Variants in CEACAM21 observed in about 807,000 individuals in gnomAD.
CEACAM21 encodes the protein cell adhesion molecule CEACAM21.
In CEACAM21, 38 loss-of-function variants were observed where a neutral mutation model predicts 33.2. The ratio of observed to expected loss-of-function variants is 1.14; its 90% CI spans 0.88 to 1.50. CEACAM21 has a LOEUF of 1.50. Among genes scored for constraint, CEACAM21 ranks in the 40% most tolerant of loss-of-function variants. CEACAM21 has a pLI of 0.00. For synonymous variants in CEACAM21, 156 were observed against 143.0 expected (o/e 1.09, Z -0.65); for missense variants, 385 against 364.6 (o/e 1.06, Z -0.46).
rs374318418 is a variant in CEACAM21, at chr19:41,576,706, A to T, written c.64+368A>T. On this transcript the variant is annotated intron_variant, in intron 1 of 6. Coordinates refer to ENST00000401445, the MANE Select transcript of CEACAM21 (RefSeq NM_001098506.4). ...ATGGAAGGCCCTGGGAACGCTCATG[A>T]ACTCATCCACAGGAGTCTGCAGCCT... Among the ~76,000 whole-genome samples the T allele has an allele frequency of 1.1e-3, 164 of 152,282 alleles. 4 individuals are homozygous for T. The South Asian group carries it at 0.033, about 30-fold the overall frequency.
intron 3 of CEACAM21, among the ~76,000 whole-genome samples, chr19:41,580,316 G>GGC (rs1346316459): frequency 1.3e-5 from 2 of 151,994 alleles, no homozygotes; most frequent in Non-Finnish European, 2.9e-5. Flanking sequence ...GTGATGGGGG[G>GGC]GGGTTTCTCC....
intron 1 of CEACAM21, among the ~76,000 whole-genome samples, chr19:41,562,980 C>T (rs1317445153): frequency 1.3e-5 from 2 of 152,136 alleles, no homozygotes; most frequent in Non-Finnish European, 2.9e-5. Flanking sequence ...CGCCTGCCTC[C>T]GCCTCCCGAA....
At chr19:41,583,309 C>T (rs1431945397) in intron 3 of CEACAM21, among the ~76,000 whole-genome samples, 2 of 152,138 alleles carry the variant, frequency 1.3e-5, no homozygotes, top group Non-Finnish European at 2.9e-5. Flanking sequence ...TCACTATCAG[C>T]GTTTTAATCA....
chr19:41,564,679 C>A (rs2042141492), intron 1 of CEACAM21: 1 of 152,300 alleles, frequency 6.6e-6, no homozygotes, highest in African/African-American at 2.4e-5. Flanking sequence ...TTCTTTCCTG[C>A]AGGTTCCGCC....
At chr19:41,558,885 T>C (rs1021177336) in intron 1 of CEACAM21, among the ~76,000 whole-genome samples, 2 of 152,192 alleles carry the variant, frequency 1.3e-5, no homozygotes, top group Non-Finnish European at 2.9e-5. Flanking sequence ...TTAGTAAGCC[T>C]TAATTAAACA....
At chr19:41,561,944 T>C (rs1328541321) in intron 1 of CEACAM21, among the ~76,000 whole-genome samples, 1 of 152,152 alleles carries the variant, frequency 6.6e-6, no homozygotes, top group Non-Finnish European at 1.5e-5. Flanking sequence ...AAAAGTAACA[T>C]CTACTTAAGA....
At chr19:41,563,450 T>C (rs2042031850) in intron 1 of CEACAM21, among the ~76,000 whole-genome samples, 1 of 152,168 alleles carries the variant, frequency 6.6e-6, no homozygotes, top group Non-Finnish European at 1.5e-5. Flanking sequence ...CGAGGCACTC[T>C]GTAACCCCAT....
intron 3 of CEACAM21, among the ~76,000 whole-genome samples, chr19:41,582,143 C>T (rs2043443413): frequency 6.6e-6 from 1 of 152,264 alleles, no homozygotes; most frequent in African/African-American, 2.4e-5. Flanking sequence ...CTACAGGCCC[C>T]ATGCAAGCCC....
upstream of CEACAM21, among the ~76,000 whole-genome samples, chr19:41,571,818 A>G (rs1276748409): frequency 1.3e-5 from 2 of 152,156 alleles, no homozygotes; most frequent in Admixed American, 1.3e-4. Flanking sequence ...GATGGCCCCC[A>G]TTTAGGGAGT....
intron 1 of CEACAM21, chr19:41,549,601 G>A (rs1328247960): frequency 2.0e-5 from 3 of 152,090 alleles, no homozygotes; most frequent in Non-Finnish European, 4.4e-5. Context: ...TACTTCTTTG[G>A]ATCGAATAGC....
At chr19:41,562,377 C>G (rs1418831485) in intron 1 of CEACAM21, among the ~76,000 whole-genome samples, 1 of 151,538 alleles carries the variant, frequency 6.6e-6, no homozygotes, top group African/African-American at 2.4e-5. Flanking sequence ...GACAAAGAAT[C>G]TGTGTCCAGA....
chr19:41,550,710 A>C (rs552106358), intron 1 of CEACAM21: 120 of 152,246 alleles, frequency 7.9e-4, no homozygotes, highest in African/African-American at 2.9e-3. Flanking sequence ...GGTGGAGGTT[A>C]ATAGTGTGCC....
intron 3 of CEACAM21, among the ~76,000 whole-genome samples, chr19:41,580,093 T>C (rs1206274422): frequency 2.0e-5 from 3 of 152,068 alleles, no homozygotes; most frequent in African/African-American, 7.2e-5. Context: ...GTAATCTTAA[T>C]TGAAGTACTG....
At chr19:41,564,366 A>G (rs1264309955) in intron 1 of CEACAM21, among the ~76,000 whole-genome samples, 1 of 144,226 alleles carries the variant, frequency 6.9e-6, no homozygotes, top group Non-Finnish European at 1.5e-5. Context: ...TTATTTATTT[A>G]TTATTTTGCC....
Position 41,562,187 on chromosome 19 carries a change from A to G in CEACAM21, c.-778-2495A>G, listed in dbSNP as rs1474841126. Among the ~76,000 whole-genome samples, 14 of 152,302 alleles carry G rather than the reference A, an allele frequency of 9.2e-5. No homozygotes were observed. The East Asian group carries it at 2.7e-3, about 29-fold the overall frequency. ...CTTGAACCCAGGAGACGGAGGTTGC[A>G]GTGAGCCGAGATCGGCCAGTGCACT... is the stretch of plus-strand genomic sequence containing the variant. On this transcript the variant is annotated intron_variant, in intron 1 of 7. Coordinates refer to the CEACAM21 transcript ENST00000407170.
At chr19:41,586,292 G>T in intron 6 of CEACAM21, 172 bp from the exon 7 acceptor site, 1 of 534,106 alleles carries the variant, frequency 1.9e-6, no homozygotes. Context: ...TCAGGAAACT[G>T]CAGTGAAAAT....
intron 1 of CEACAM21, 33 bp from the exon 2 acceptor site, chr19:41,577,167 C>A: frequency 1.2e-6 from 2 of 1,612,772 alleles, no homozygotes; most frequent in South Asian, 2.2e-5. Context: ...ATGCATAGGT[C>A]AAATATTGAC....
chr19:41,586,422 G>T, intron 6 of CEACAM21, 42 bp from the exon 7 acceptor site: 1 of 625,738 alleles, frequency 1.6e-6, no homozygotes, highest in Non-Finnish European at 3.1e-6. Flanking sequence ...ACCCTGTTCT[G>T]AGAAGGCCTC....
chr19:41,581,235 A>T (rs1206574232), intron 3 of CEACAM21, among the ~76,000 whole-genome samples: 1 of 152,268 alleles, frequency 6.6e-6, no homozygotes, highest in Non-Finnish European at 1.5e-5. Context: ...AGCCACAAAC[A>T]ATAGCATGAG....
Sources: allele counts gnomAD v4.1 joint callset (sites outside exome capture counted in the v4.1 genomes callset), GRCh38; gene constraint gnomAD v4.1.1; transcripts MANE v1.5; gene names NCBI Gene and HGNC (gene_info 2026-07-23, HGNC 2026-07-21).